AFF3: variants seen among roughly 807,000 people sequenced by gnomAD.
AFF3 encodes the protein ALF transcription elongation factor 3.
A neutral mutation model predicts 129.7 loss-of-function variants in AFF3; 32 were observed. The observed-to-expected ratio is 0.25, with a 90% CI of 0.19 to 0.33. AFF3 has a LOEUF of 0.33. AFF3 is among the 10% of genes least tolerant of loss of function. The probability of loss-of-function intolerance (pLI) is 1.00; values close to 1 mark genes in which losing one functional copy is unlikely to be tolerated. For missense variants in AFF3, 1,373 were observed against 1,592.0 expected (o/e 0.86, Z 2.34); for synonymous variants, 644 against 635.4 (o/e 1.01, Z -0.20).
At chr2:99,946,777 TAA>T (rs1558999234) in intron 7 of AFF3, among the ~76,000 whole-genome samples, 1 of 152,218 alleles carries the variant, frequency 6.6e-6, no homozygotes, top group African/African-American at 2.4e-5. Context: ...TTGTGTAGGA[TAA>T]GTCATACTTA....
At chr2:99,773,460 C>T (rs1683650294) in intron 8 of AFF3, among the ~76,000 whole-genome samples, 1 of 149,386 alleles carries the variant, frequency 6.7e-6, no homozygotes, top group South Asian at 2.1e-4. Flanking sequence ...TACTAAAATG[C>T]TTGGAGTGCT....
intron 7 of AFF3, among the ~76,000 whole-genome samples, chr2:99,915,319 G>A (rs757639965): frequency 2.6e-4 from 40 of 152,146 alleles, no homozygotes; most frequent in Non-Finnish European, 4.7e-4. Flanking sequence ...ATAATGTCAC[G>A]GACAGCATGG....
intron 2 of AFF3, among the ~76,000 whole-genome samples, chr2:100,108,152 A>G (rs966588661): frequency 6.6e-6 from 1 of 151,526 alleles, no homozygotes; most frequent in African/African-American, 2.4e-5. Context: ...CTCCTTCCAG[A>G]GGCTTCTTGG....
At chr2:99,937,791 TGAGAGTGTTAA>T (rs1383155222) in intron 7 of AFF3, among the ~76,000 whole-genome samples, 1 of 152,170 alleles carries the variant, frequency 6.6e-6, no homozygotes, top group African/African-American at 2.4e-5. Flanking sequence ...TGGTCAAACA[TGAGAGTGTTAA>T]GAGAGGGTGG....
chr2:100,016,648 T>C lies in AFF3; in HGVS notation c.54-7716A>G, dbSNP rs1227296239. 3.4e-5 allele frequency among the ~76,000 whole-genome samples: 5 copies of C among 148,866 alleles called. No homozygotes were observed. The South Asian group carries it at 8.6e-4, about 25-fold the overall frequency. On this transcript the variant is annotated intron_variant, in intron 4 of 24. Transcript: ENST00000672756. Reference sequence around the variant, plus strand: ...GTGGTGGTGGTGATGGTGGTGGTAATGGTGTTGGTGATGAAAGTGGTGATG... The same window carrying C: ...GTGGTGGTGGTGATGGTGGTGGTAACGGTGTTGGTGATGAAAGTGGTGATG...
At chr2:99,930,430 C>T (rs1470915937) in intron 7 of AFF3, among the ~76,000 whole-genome samples, 1 of 152,158 alleles carries the variant, frequency 6.6e-6, no homozygotes, top group South Asian at 2.1e-4. Flanking sequence ...GCCACGTGTA[C>T]CATGCGGTCA....
intron 7 of AFF3, among the ~76,000 whole-genome samples, chr2:99,910,848 G>A (rs996396826): frequency 2.6e-5 from 4 of 152,212 alleles, no homozygotes; most frequent in Non-Finnish European, 4.4e-5. Context: ...TGATCATTTC[G>A]GGAGCTCTGA....
intron 8 of AFF3, among the ~76,000 whole-genome samples, chr2:99,804,381 A>G (rs1227739154): frequency 3.3e-5 from 5 of 152,254 alleles, no homozygotes; most frequent in Non-Finnish European, 7.3e-5. Context: ...TACAACCACA[A>G]TAGATACCAA....
intron 8 of AFF3, among the ~76,000 whole-genome samples, chr2:99,808,252 A>AAACAAG (rs1206692210): frequency 6.6e-6 from 1 of 152,234 alleles, no homozygotes; most frequent in Non-Finnish European, 1.5e-5. Context: ...CAATGGCAGG[A>AAACAAG]AACAAGAACA....
intron 11 of AFF3, among the ~76,000 whole-genome samples, chr2:99,678,412 A>G (rs1041123715): frequency 6.6e-6 from 1 of 152,182 alleles, no homozygotes; most frequent in African/African-American, 2.4e-5. Flanking sequence ...AAGCTCATCT[A>G]TATCTTCCAC....
chr2:99,696,942 G>A (rs1418760961), intron 11 of AFF3, among the ~76,000 whole-genome samples: 6 of 152,146 alleles, frequency 3.9e-5, no homozygotes, highest in African/African-American at 1.4e-4. Context: ...CAGCATGCCT[G>A]GCCTGATGAA....
chr2:99,634,601 A>G (rs1683442336), intron 13 of AFF3, among the ~76,000 whole-genome samples: 1 of 152,192 alleles, frequency 6.6e-6, no homozygotes, highest in South Asian at 2.1e-4. Flanking sequence ...TTCAAATGCT[A>G]GTGAATAGGT....
At chr2:99,728,423 C>CCATA (rs1679538465) in intron 10 of AFF3, among the ~76,000 whole-genome samples, 1 of 152,184 alleles carries the variant, frequency 6.6e-6, no homozygotes. Flanking sequence ...ACACATTGTA[C>CCATA]CATACCCCTT....
chr2:99,578,460 C>A lies in AFF3; in HGVS notation c.2794-9G>T, dbSNP rs188852943. The A allele has an allele frequency of 1.9e-6, 3 of 1,608,954 alleles. No homozygotes were observed. The highest frequency in any genetic ancestry group is 2.5e-6 in the Non-Finnish European group (3 of 1,178,000). ...TTGTTGTGAGCTGCTTTCTAAACAA[C>A]AAACAACACACATCTTTGAGAAATT... On this transcript the variant is annotated splice_polypyrimidine_tract_variant and intron_variant, in intron 17 of 24. Transcript: ENST00000672756.
chr2:99,959,419 A>G (rs1177873083), intron 7 of AFF3, among the ~76,000 whole-genome samples: 1 of 151,494 alleles, frequency 6.6e-6, no homozygotes, highest in Non-Finnish European at 1.5e-5. Flanking sequence ...GGCTGGAAAA[A>G]TATCAAAAAT....
intron 11 of AFF3, among the ~76,000 whole-genome samples, chr2:99,715,858 G>C (rs1328012765): frequency 6.6e-6 from 1 of 151,976 alleles, no homozygotes; most frequent in South Asian, 2.1e-4. Context: ...ATTTTTAGTA[G>C]AGACAGGGTT....
chr2:99,927,007 C>T (rs774770331), intron 7 of AFF3, among the ~76,000 whole-genome samples: 9 of 152,156 alleles, frequency 5.9e-5, no homozygotes, highest in Admixed American at 2.0e-4. Context: ...CAATCTCACA[C>T]AGGCTCAGGG....
At chr2:100,114,302 C>A (rs1348824460) in intron 2 of AFF3, among the ~76,000 whole-genome samples, 1 of 152,194 alleles carries the variant, frequency 6.6e-6, no homozygotes, top group Non-Finnish European at 1.5e-5. Context: ...ATGTTGACAG[C>A]AGAGCTTTAG....
At chr2:99,820,174 A>G (rs1687545089) in intron 8 of AFF3, among the ~76,000 whole-genome samples, 1 of 152,174 alleles carries the variant, frequency 6.6e-6, no homozygotes, top group African/African-American at 2.4e-5. Context: ...TGCAAGCATC[A>G]TAGAGTGCAC....
Sources: allele counts gnomAD v4.1 joint callset (sites outside exome capture counted in the v4.1 genomes callset), GRCh38; gene constraint gnomAD v4.1.1; transcripts MANE v1.5; gene names NCBI Gene and HGNC (gene_info 2026-07-23, HGNC 2026-07-21).